Variants in SP110 observed in about 807,000 individuals in gnomAD.
SP110 encodes interferon-induced protein 41, 30kD.
A neutral mutation model predicts 92.7 loss-of-function variants in SP110; 62 were observed. The observed-to-expected ratio is 0.67, with a 90% CI of 0.55 to 0.83. The LOEUF is 0.83. SP110 is among the 40% of genes least tolerant of loss of function. The pLI is 0.00. For synonymous variants in SP110, 273 were observed against 305.3 expected (o/e 0.89, Z 1.10); for missense variants, 793 against 863.9 (o/e 0.92, Z 1.03).
At chr2:230,194,306 A>T (rs2042766341) in intron 10 of SP110, among the ~76,000 whole-genome samples, 1 of 152,110 alleles carries the variant, frequency 6.6e-6, no homozygotes, top group Non-Finnish European at 1.5e-5. Context: ...GAGTAAAAGA[A>T]TAAAGAAAAA....
At chr2:230,180,682 C>T (rs1415139069) in intron 12 of SP110, among the ~76,000 whole-genome samples, 1 of 152,092 alleles carries the variant, frequency 6.6e-6, no homozygotes, top group Non-Finnish European at 1.5e-5. Flanking sequence ...CTTTCCACAT[C>T]ATCAGAAATG....
At chr2:230,191,099 G>A (rs6735604) in intron 10 of SP110, among the ~76,000 whole-genome samples, 113,661 of 152,098 alleles carry the variant, frequency 0.75, 42,694 homozygotes, top group Admixed American at 0.82. Flanking sequence ...TGTGAAGAAT[G>A]TAGAGACAAT....
At chr2:230,198,342 A>G (rs917860339) in intron 10 of SP110, among the ~76,000 whole-genome samples, 8 of 152,064 alleles carry the variant, frequency 5.3e-5, no homozygotes, top group African/African-American at 1.9e-4. Context: ...TGCAAGGGGG[A>G]TGATAATGGA....
chr2:230,169,926 T>C (rs1388115973), intron 18 of SP110, among the ~76,000 whole-genome samples: 1 of 152,132 alleles, frequency 6.6e-6, no homozygotes, highest in African/African-American at 2.4e-5. Context: ...TGCAGCTCCA[T>C]GAATGGGTAC....
At chr2:230,205,636 A>G (rs926653603) in intron 8 of SP110, among the ~76,000 whole-genome samples, 1 of 152,122 alleles carries the variant, frequency 6.6e-6, no homozygotes, top group African/African-American at 2.4e-5. Context: ...GAATGGGTAT[A>G]TACAGTTAGT....
chr2:230,194,187 T>C (rs1460870033), intron 10 of SP110, among the ~76,000 whole-genome samples: 1 of 152,078 alleles, frequency 6.6e-6, no homozygotes, highest in African/African-American at 2.4e-5. Context: ...TCCTAATTCA[T>C]GTTTGGGAGC....
intron 14 of SP110, chr2:230,176,370 G>A: frequency 1.0e-6 from 1 of 972,620 alleles, no homozygotes; most frequent in East Asian, 4.3e-5. Flanking sequence ...TGTTAGAGAT[G>A]GGGTCTTGCT....
chr2:230,187,848 G>A (rs1185408077), intron 10 of SP110, among the ~76,000 whole-genome samples: 1 of 151,942 alleles, frequency 6.6e-6, no homozygotes, highest in African/African-American at 2.4e-5. Context: ...TCCATTGGTC[G>A]ATGTATCTAC....
At chr2:230,200,551 T>C (rs1341655730) in intron 10 of SP110, 1 of 289,750 alleles carries the variant, frequency 3.5e-6, no homozygotes, top group Non-Finnish European at 6.5e-6. Context: ...AGCTGTACTT[T>C]CAGTATAGTA....
intron 9 of SP110, 134 bp from the exon 10 acceptor site, chr2:230,201,099 C>A: frequency 1.3e-6 from 1 of 751,052 alleles, no homozygotes; most frequent in Non-Finnish European, 2.4e-6. Context: ...AACAATGCAT[C>A]TACCAAGAGA....
chr2:230,178,901 A>G (rs979528216), intron 12 of SP110, among the ~76,000 whole-genome samples: 27 of 152,200 alleles, frequency 1.8e-4, no homozygotes, highest in African/African-American at 6.0e-4. Context: ...TTTAAAATAA[A>G]TCTCAGCAAT....
chr2:230,168,938 G>A lies in SP110; in HGVS notation c.*186C>T. 1 of 492,974 alleles carries A rather than the reference G, an allele frequency of 2.0e-6. No homozygotes were observed. The highest frequency in any genetic ancestry group is 3.8e-6 in the Non-Finnish European group (1 of 265,666). The allele number at this position is 492,974 out of a possible 1,614,324, so 30.5% of individuals were successfully genotyped here. On this transcript the variant is annotated 3_prime_UTR_variant, in exon 19 of 19. Transcript: ENST00000258381. The stretch of plus-strand genomic sequence containing the variant: ...ATTAATTTTTTTTTTTTTTAGTGTA[G>A]ATATAGACTTTTAAAGGTAAAAAGA...
At chr2:230,197,011 A>G (rs913603886) in intron 10 of SP110, among the ~76,000 whole-genome samples, 23 of 152,158 alleles carry the variant, frequency 1.5e-4, no homozygotes, top group African/African-American at 5.6e-4. Context: ...ATACGTGTGC[A>G]TGTGTCTTTA....
intron 1 of SP110, among the ~76,000 whole-genome samples, chr2:230,219,070 C>T (rs2045552563): frequency 6.6e-6 from 1 of 152,058 alleles, no homozygotes; most frequent in Non-Finnish European, 1.5e-5. Flanking sequence ...ACTAAAAATA[C>T]AAAAATTAGC....
chr2:230,177,006 C>G (rs552190816), intron 14 of SP110, among the ~76,000 whole-genome samples: 13 of 152,308 alleles, frequency 8.5e-5, no homozygotes, highest in African/African-American at 2.9e-4. Flanking sequence ...TTCTCCCTCT[C>G]TAGATTAAAA....
chr2:230,218,871 T>C (rs2045524022), intron 1 of SP110, among the ~76,000 whole-genome samples: 1 of 128,530 alleles, frequency 7.8e-6, no homozygotes, highest in South Asian at 2.8e-4. Context: ...CAGAGAGTGA[T>C]AAAAGAATAA....
chr2:230,224,425 AAGAGGGAGGG>A (rs1427269814), upstream of SP110, among the ~76,000 whole-genome samples: 6 of 117,372 alleles, frequency 5.1e-5, no homozygotes, highest in South Asian at 3.0e-4. Context: ...TCTTGTTTTA[AAGAGGGAGGG>A]AGAGGGAGGG....
intron 14 of SP110, among the ~76,000 whole-genome samples, chr2:230,175,353 A>T (rs1258758097): frequency 6.6e-6 from 1 of 151,716 alleles, no homozygotes; most frequent in East Asian, 1.9e-4. Flanking sequence ...ACAAATATCT[A>T]TATCAAAGGT....
chr2:230,206,424 C>T lies in SP110; in HGVS notation c.898+1567G>A, dbSNP rs542510016. ...GGTGCTCCTCTGTCTTCACTGGTCT[C>T]GTTCCCTCAGTCTGTCTTGCTAGAT... is the stretch of plus-strand genomic sequence containing the variant. On this transcript the variant is annotated intron_variant, in intron 8 of 18. Coordinates refer to ENST00000258381, the MANE Select transcript of SP110 (RefSeq NM_080424.4). Among the ~76,000 whole-genome samples, 40 of 151,656 alleles carry T rather than the reference C, an allele frequency of 2.6e-4. 1 individual carries two copies. The highest frequency in any genetic ancestry group is 9.7e-4 in the African/African-American group (40 of 41,362).
Sources: gnomAD v4.1 joint callset for allele counts (sites outside exome capture counted in the v4.1 genomes callset) on GRCh38, gnomAD v4.1.1 for gene constraint, MANE v1.5 for transcripts, NCBI Gene and HGNC (gene_info 2026-07-23, HGNC 2026-07-21) for gene names.